IL20RA: variants seen among roughly 807,000 people sequenced by gnomAD.
IL20RA encodes the protein interleukin-20 receptor subunit alpha.
In IL20RA, 29 loss-of-function variants were observed where a neutral mutation model predicts 36.5. The observed-to-expected ratio is 0.79, with a 90% CI of 0.59 to 1.08. IL20RA has a LOEUF of 1.08. Among genes scored for constraint, IL20RA ranks in the 50% least tolerant of loss-of-function variants. The pLI is 0.00. For synonymous variants in IL20RA, 279 were observed against 267.1 expected (o/e 1.04, Z -0.43); for missense variants, 652 against 668.4 (o/e 0.98, Z 0.27).
intron 1 of IL20RA, among the ~76,000 whole-genome samples, chr6:137,020,172 T>G (rs1429198717): frequency 1.3e-5 from 2 of 152,336 alleles, no homozygotes; most frequent in African/African-American, 4.8e-5. Context: ...TAACTGAGGC[T>G]TCCCAAAGCT....
chr6:137,015,207 T>C (rs1775639126), intron 2 of IL20RA, among the ~76,000 whole-genome samples: 1 of 152,212 alleles, frequency 6.6e-6, no homozygotes, highest in Non-Finnish European at 1.5e-5. Context: ...TGATACACAG[T>C]TCCAAACAGT....
intron 1 of IL20RA, among the ~76,000 whole-genome samples, chr6:137,019,658 A>T (rs1775830025): frequency 6.6e-6 from 1 of 152,204 alleles, no homozygotes; most frequent in African/African-American, 2.4e-5. Context: ...GATTCAGTAG[A>T]CAGTTTGATT....
Position 137,009,365 on chromosome 6 carries a change from G to A in IL20RA, c.531C>T (p.Ser177=). 2 of 1,613,442 alleles carry A rather than the reference G, an allele frequency of 1.2e-6. No individual in the cohort carries two copies. The highest frequency in any genetic ancestry group is 2.7e-5 in the African/African-American group (2 of 74,966). ...ACACAGACACGTTATACTTCAGATT[G>A]GAGTATATTTGTTGCATGGAAACAG... ...DLPVSMQQIY[S]NLKYNVSVLN... is the part of the protein sequence containing the mutation. Residue 177 remains serine, a synonymous_variant, in exon 4 of 7, where the codon TCC becomes TCT. Coordinates refer to ENST00000316649, the MANE Select transcript of IL20RA (RefSeq NM_014432.4).
chr6:137,001,912 T>C lies in IL20RA; in HGVS notation c.1308A>G (p.Ala436=), dbSNP rs199949228. The C allele has an allele frequency of 1.9e-6, 3 of 1,614,066 alleles. No individual in the cohort carries two copies. The highest frequency in any genetic ancestry group is 2.5e-6 in the Non-Finnish European group (3 of 1,180,006). The part of the protein sequence containing the change: ...STQGTLLESQ[A]ALAVLGPQTL... ...TTTGCGGGCCCAAGACTGCCAACGC[T>C]GCCTGCGACTCCAATAATGTTCCTT... is the stretch of plus-strand genomic sequence containing the variant. Residue 436 remains alanine (A), a synonymous_variant, in exon 7 of 7, where the codon GCA becomes GCG. Transcript: ENST00000316649.
At chr6:137,016,504 T>C (rs1320875932) in intron 2 of IL20RA, among the ~76,000 whole-genome samples, 2 of 152,194 alleles carry the variant, frequency 1.3e-5, no homozygotes, top group African/African-American at 2.4e-5. Context: ...TCTCTGAAGA[T>C]GGACACTGAC....
intron 5 of IL20RA, among the ~76,000 whole-genome samples, chr6:137,005,539 T>G (rs1289979206): frequency 2.0e-5 from 3 of 152,210 alleles, no homozygotes. Context: ...GTTAAGCCAC[T>G]GTGGTATACT....
At chr6:137,040,448 G>T (rs1313761681) in intron 1 of IL20RA, among the ~76,000 whole-genome samples, 1 of 151,866 alleles carries the variant, frequency 6.6e-6, no homozygotes, top group Non-Finnish European at 1.5e-5. Flanking sequence ...GAAGGAACCA[G>T]AGCTTCCTGA....
At chr6:137,021,045 CTT>C (rs59206489) in intron 1 of IL20RA, among the ~76,000 whole-genome samples, 390 of 146,324 alleles carry the variant, frequency 2.7e-3, no homozygotes, top group East Asian at 4.8e-3. Flanking sequence ...GTTTTGAAAC[CTT>C]TTTTTTTTTT....
At chr6:137,028,307 A>G (rs984858910) in intron 1 of IL20RA, among the ~76,000 whole-genome samples, 2 of 151,848 alleles carry the variant, frequency 1.3e-5, no homozygotes, top group Non-Finnish European at 2.9e-5. Flanking sequence ...AGTCCCAGCT[A>G]CTTGGGAGGC....
chr6:137,037,994 C>G (rs1047912245), intron 1 of IL20RA: 4 of 152,016 alleles, frequency 2.6e-5, no homozygotes, highest in Non-Finnish European at 5.9e-5. Flanking sequence ...TAGTGAGTAT[C>G]CTGTGATGAG....
chr6:137,009,346 A>G lies in IL20RA; in HGVS notation c.550T>C (p.Ser184Pro), dbSNP rs1249743400. The change falls in exon 4 of 7, where the codon TCT (serine) becomes CCT (proline). Residue 184 changes from serine (S) to proline (P), a missense_variant. Transcript: ENST00000316649. ...CTGTTTGATTTAGTATTCAACACAG[A>G]CACGTTATACTTCAGATTGGAGTAT... ...QIYSNLKYNV[S>P]VLNTKSNRTW... The G allele has an allele frequency of 1.9e-6, 3 of 1,613,810 alleles. No individual in the cohort carries two copies. The highest frequency in any genetic ancestry group is 2.5e-6 in the Non-Finnish European group (3 of 1,179,762).
At chr6:137,008,390 G>A (rs924557309) in intron 5 of IL20RA, among the ~76,000 whole-genome samples, 2 of 152,214 alleles carry the variant, frequency 1.3e-5, no homozygotes, top group Admixed American at 1.3e-4. Context: ...TGAGTTCTCC[G>A]AGGGTGTGAG....
chr6:137,040,034 CTG>C (rs1226145422), intron 1 of IL20RA, among the ~76,000 whole-genome samples: 1 of 152,168 alleles, frequency 6.6e-6, no homozygotes, highest in Non-Finnish European at 1.5e-5. Context: ...GACCAGAAAA[CTG>C]TACATAAAGG....
chr6:137,040,190 A>C (rs1776636873), intron 1 of IL20RA, among the ~76,000 whole-genome samples: 1 of 152,160 alleles, frequency 6.6e-6, no homozygotes, highest in Non-Finnish European at 1.5e-5. Flanking sequence ...CTGTAAATGA[A>C]AGAGGAAGGC....
chr6:137,018,099 A>G (rs189016789), intron 1 of IL20RA, among the ~76,000 whole-genome samples: 2 of 152,332 alleles, frequency 1.3e-5, no homozygotes, highest in Admixed American at 1.3e-4. Context: ...TGAACTTGAA[A>G]AATATAAAAT....
intron 6 of IL20RA, among the ~76,000 whole-genome samples, chr6:137,003,989 C>G (rs1775174298): frequency 6.6e-6 from 1 of 152,040 alleles, no homozygotes; most frequent in Non-Finnish European, 1.5e-5. Flanking sequence ...TCATCTTAGC[C>G]TTCATGTGTT....
chr6:137,028,940 T>A lies in IL20RA; in HGVS notation c.89-11837A>T, dbSNP rs147330552. 6.5e-3 allele frequency among the ~76,000 whole-genome samples: 993 copies of A among 152,350 alleles called. 8 individuals carry two copies. The highest frequency in any genetic ancestry group is 0.037 in the Middle Eastern group (11 of 294). On this transcript the variant is annotated intron_variant, in intron 1 of 6. Coordinates refer to ENST00000316649, the MANE Select transcript of IL20RA (RefSeq NM_014432.4). The stretch of plus-strand genomic sequence containing the variant: ...TTCCCAGCCTGATCACCCAAACTTG[T>A]GGAAAGTGGCTTTGAATGCTTTCAA...
intron 6 of IL20RA, among the ~76,000 whole-genome samples, chr6:137,003,821 C>T (rs1479759174): frequency 6.6e-6 from 1 of 152,126 alleles, no homozygotes; most frequent in African/African-American, 2.4e-5. Context: ...TTAGGGGTGT[C>T]ATGCAGTTTC....
chr6:137,030,099 G>A (rs78308806), intron 1 of IL20RA, among the ~76,000 whole-genome samples: 1 of 3,222 alleles, frequency 3.1e-4, no homozygotes, highest in African/African-American at 4.0e-4. Context: ...TTTTTTTTTT[G>A]AGACAGGGTC....
Sources: gnomAD v4.1 joint callset for allele counts (sites outside exome capture counted in the v4.1 genomes callset) on GRCh38, gnomAD v4.1.1 for gene constraint, MANE v1.5 for transcripts, NCBI Gene and HGNC (gene_info 2026-07-23, HGNC 2026-07-21) for gene names.